The following BCAR3 variants were observed in gnomAD, a reference collection of about 807,000 sequenced individuals.
BCAR3 encodes breast cancer anti-estrogen resistance protein 3.
A neutral mutation model predicts 80.1 loss-of-function variants in BCAR3; 37 were observed. The observed-to-expected ratio is 0.46, with a 90% CI of 0.36 to 0.61. The LOEUF (loss-of-function observed/expected upper bound fraction) is 0.61, where lower values mean the gene tolerates loss of function less well. Among genes scored for constraint, BCAR3 ranks in the 20% least tolerant of loss-of-function variants. The pLI, the probability that BCAR3 is intolerant of heterozygous loss-of-function variation, is 0.00. For missense variants in BCAR3, 978 were observed against 1,068.2 expected, an observed-to-expected ratio of 0.92 and a Z score of 1.18; for synonymous variants, 389 against 418.9, an observed-to-expected ratio of 0.93 and a Z score of 0.87.
At chr1:93,571,618 T>A in intron 9 of BCAR3, 52 bp downstream of exon 9, 5 of 1,599,892 alleles carry the variant, frequency 3.1e-6, no homozygotes, top group Non-Finnish European at 4.3e-6. Context: ...AAACATGGCA[T>A]GCAGATCTCT....
intron 2 of BCAR3, among the ~76,000 whole-genome samples, chr1:93,830,733 C>T (rs996651085): frequency 1.4e-4 from 21 of 152,150 alleles, no homozygotes; most frequent in African/African-American, 3.9e-4. Flanking sequence ...TCTCTTCACA[C>T]GGACGTGCGT....
At chr1:93,633,215 G>C (rs978428601) in intron 3 of BCAR3, among the ~76,000 whole-genome samples, 3 of 152,032 alleles carry the variant, frequency 2.0e-5, no homozygotes, top group African/African-American at 7.3e-5. Context: ...CTATTTACTG[G>C]CTTCTGGCAC....
At chr1:93,582,140 T>C (rs1673732574) in intron 7 of BCAR3, among the ~76,000 whole-genome samples, 161 bp downstream of exon 7, 1 of 152,226 alleles carries the variant, frequency 6.6e-6, no homozygotes, top group African/African-American at 2.4e-5. Flanking sequence ...GCTGGTGTTA[T>C]CTTCAGACTT....
intron 4 of BCAR3, chr1:93,590,135 G>T (rs917964080): frequency 2.0e-5 from 3 of 152,158 alleles, no homozygotes; most frequent in African/African-American, 4.8e-5. Flanking sequence ...TCAGGCTGGG[G>T]TCCCTCATCT....
upstream of BCAR3, among the ~76,000 whole-genome samples, chr1:93,683,491 G>T (rs1026380853): frequency 6.6e-6 from 1 of 152,148 alleles, no homozygotes; most frequent in Non-Finnish European, 1.5e-5. Context: ...TTCACCAAAA[G>T]ATGTTGAAAA....
chr1:93,597,659 T>C (rs1674469116), intron 3 of BCAR3, among the ~76,000 whole-genome samples: 1 of 152,234 alleles, frequency 6.6e-6, no homozygotes, highest in Admixed American at 6.5e-5. Context: ...GCACTGTTAA[T>C]TGTCATAATA....
chr1:93,583,848 T>C (rs965724530), intron 6 of BCAR3, among the ~76,000 whole-genome samples, 170 bp downstream of exon 6: 38 of 152,192 alleles, frequency 2.5e-4, no homozygotes, highest in African/African-American at 8.9e-4. Context: ...ATACGGTGTC[T>C]AGCTCAGTGC....
intron 3 of BCAR3, among the ~76,000 whole-genome samples, chr1:93,694,779 C>T (rs981925908): frequency 3.3e-5 from 5 of 152,234 alleles, no homozygotes; most frequent in African/African-American, 1.2e-4. Context: ...AGACCCCAAA[C>T]CACACTCCTC....
At chr1:93,772,567 A>G (rs996540799) in intron 2 of BCAR3, among the ~76,000 whole-genome samples, 1 of 152,056 alleles carries the variant, frequency 6.6e-6, no homozygotes, top group Admixed American at 6.6e-5. Context: ...ATCTTTGTGC[A>G]TCTTGATCCA....
chr1:93,609,716 G>A (rs898307573), intron 3 of BCAR3, among the ~76,000 whole-genome samples: 36 of 152,168 alleles, frequency 2.4e-4, no homozygotes, highest in Admixed American at 2.2e-3. Context: ...GCCTGCCAGC[G>A]GCCACTCCCT....
chr1:93,796,438 C>G (rs1276454284), intron 2 of BCAR3, among the ~76,000 whole-genome samples: 3 of 147,962 alleles, frequency 2.0e-5, no homozygotes, highest in Non-Finnish European at 1.5e-5. Flanking sequence ...TCCGTCACCC[C>G]TTTCTTTGAC....
At chr1:93,598,107 T>C (rs941849991) in intron 3 of BCAR3, among the ~76,000 whole-genome samples, 4 of 152,120 alleles carry the variant, frequency 2.6e-5, no homozygotes, top group African/African-American at 9.7e-5. Context: ...AACCCACATT[T>C]CAGCAGCTCT....
chr1:93,568,546 C>T (rs1673064469), intron 9 of BCAR3, among the ~76,000 whole-genome samples: 1 of 152,120 alleles, frequency 6.6e-6, no homozygotes, highest in Non-Finnish European at 1.5e-5. Flanking sequence ...ACTGATGTTG[C>T]TTATTTTAAA....
At chr1:93,583,934 GAGACAACT>G in intron 6 of BCAR3, 76 bp downstream of exon 6, 1 of 1,358,650 alleles carries the variant, frequency 7.4e-7, no homozygotes, top group East Asian at 2.3e-5. Context: ...GTTTTCGAAT[GAGACAACT>G]AGATGGGGCA....
At chr1:93,692,585 G>A (rs1649233792) in intron 3 of BCAR3, among the ~76,000 whole-genome samples, 1 of 152,208 alleles carries the variant, frequency 6.6e-6, no homozygotes, top group Non-Finnish European at 1.5e-5. Flanking sequence ...AGAGGTGGGG[G>A]TTATTAAGCC....
At chr1:93,721,043 G>A (rs771677864) in intron 2 of BCAR3, among the ~76,000 whole-genome samples, 1 of 152,226 alleles carries the variant, frequency 6.6e-6, no homozygotes, top group Non-Finnish European at 1.5e-5. Flanking sequence ...TGGGAGCACC[G>A]CTGGAATAGT....
intron 2 of BCAR3, among the ~76,000 whole-genome samples, chr1:93,786,183 A>C: frequency 1.2e-5 from 1 of 85,648 alleles, no homozygotes; most frequent in African/African-American, 6.3e-5. Flanking sequence ...TCAGAGCGAG[A>C]CTCCGTCTCA....
chr1:93,690,191 G>T (rs1557655479), intron 3 of BCAR3, among the ~76,000 whole-genome samples: 1 of 152,186 alleles, frequency 6.6e-6, no homozygotes, highest in Non-Finnish European at 1.5e-5. Context: ...GCATTTGTGT[G>T]GGATTATGTA....
At chr1:93,694,913 C>T (rs927610907) in intron 3 of BCAR3, among the ~76,000 whole-genome samples, 4 of 152,190 alleles carry the variant, frequency 2.6e-5, no homozygotes, top group African/African-American at 4.8e-5. Flanking sequence ...AATGACCTCC[C>T]AACTCTGATC....
Sources: allele counts gnomAD v4.1 joint callset (sites outside exome capture counted in the v4.1 genomes callset), GRCh38; gene constraint gnomAD v4.1.1; transcripts MANE v1.5; gene names NCBI Gene and HGNC (gene_info 2026-07-23, HGNC 2026-07-21).